Variants in TRAK1 observed in about 807,000 individuals in gnomAD.
TRAK1 encodes the protein trafficking kinesin-binding protein 1.
A neutral mutation model predicts 92.1 loss-of-function variants in TRAK1; 33 were observed. The ratio of observed to expected loss-of-function variants is 0.36; its 90% CI spans 0.27 to 0.48. The LOEUF (loss-of-function observed/expected upper bound fraction) is 0.48, where lower values mean the gene tolerates loss of function less well. Among genes scored for constraint, TRAK1 ranks in the 20% least tolerant of loss-of-function variants. TRAK1 has a pLI of 0.99. For synonymous variants in TRAK1, 521 were observed against 517.3 expected (o/e 1.01, Z -0.10); for missense variants, 1,123 against 1,257.9 (o/e 0.89, Z 1.62).
rs191020270 is a variant in TRAK1, at chr3:42,017,089, G to A, written c.-519+2972G>A. On this transcript the variant is annotated intron_variant, in intron 1 of 16. Transcript: ENST00000487159. ...AGCCTGGGCAACATGGTGAAACCCC[G>A]TCTCTACTAAAACACAAAAAAAGTA... Among the ~76,000 whole-genome samples, 525 of 152,124 alleles carry A rather than the reference G, an allele frequency of 3.5e-3. 3 individuals are homozygous for A. The highest frequency in any genetic ancestry group is 0.027 in the Middle Eastern group (8 of 294).
At chr3:42,057,145 G>A (rs1349398299) in intron 1 of TRAK1, among the ~76,000 whole-genome samples, 2 of 152,154 alleles carry the variant, frequency 1.3e-5, no homozygotes, top group African/African-American at 2.4e-5. Context: ...AGTAATTAAA[G>A]GCACTCTAAA....
At chr3:42,062,551 C>T (rs1306932748) in intron 1 of TRAK1, among the ~76,000 whole-genome samples, 2 of 152,184 alleles carry the variant, frequency 1.3e-5, no homozygotes, top group African/African-American at 2.4e-5. Context: ...GTCCTGGCAC[C>T]TCTGAGGCTT....
At chr3:42,020,750 GAAA>G (rs911971739) in intron 1 of TRAK1, among the ~76,000 whole-genome samples, 2 of 152,152 alleles carry the variant, frequency 1.3e-5, no homozygotes, top group Non-Finnish European at 2.9e-5. Context: ...ACTTCCAGAA[GAAA>G]AAAAGATAAC....
upstream of TRAK1, among the ~76,000 whole-genome samples, chr3:42,086,535 T>G (rs1215084161): frequency 1.3e-5 from 2 of 152,098 alleles, no homozygotes; most frequent in East Asian, 3.9e-4. Flanking sequence ...CAGGCTGGTC[T>G]TGAACTCCTG....
intron 2 of TRAK1, among the ~76,000 whole-genome samples, chr3:42,138,876 G>T (rs9681660): frequency 0.093 from 10,971 of 118,556 alleles, 963 homozygotes; most frequent in Middle Eastern, 0.15. Context: ...AAGCATAGGG[G>T]GTGTGTGTGT....
At chr3:42,087,535 GA>G, upstream of TRAK1, 1 of 152,690 alleles carries the variant, frequency 6.5e-6, no homozygotes, top group East Asian at 1.9e-4. Flanking sequence ...AAAAGACTCT[GA>G]GCTTTCGGAT....
rs377756857 is a variant in TRAK1, at chr3:42,116,418, A to G, written c.92-9002A>G. Among the ~76,000 whole-genome samples the G allele has an allele frequency of 1.6e-3, 251 of 152,384 alleles. 2 individuals carry two copies. The highest frequency in any genetic ancestry group is 5.6e-3 in the African/African-American group (235 of 41,600). On this transcript the variant is annotated intron_variant, in intron 1 of 15. Transcript: ENST00000327628. ...GTTCAGCTAAAGCTGTAAACTGCAT[A>G]GTCCCTTGATAGAGAGGAATTTTCT...
At chr3:42,128,717 A>G in intron 2 of TRAK1, among the ~76,000 whole-genome samples, 1 of 152,252 alleles carries the variant, frequency 6.6e-6, no homozygotes, top group East Asian at 1.9e-4. Flanking sequence ...TAGAAATCAC[A>G]GATATTTTCA....
At chr3:42,147,455 T>C (rs911845872) in intron 2 of TRAK1, among the ~76,000 whole-genome samples, 5 of 152,174 alleles carry the variant, frequency 3.3e-5, no homozygotes, top group Non-Finnish European at 7.4e-5. Flanking sequence ...GTCATTCCCT[T>C]GTCTCCTACA....
chr3:42,029,768 C>T (rs1377654165), intron 1 of TRAK1, among the ~76,000 whole-genome samples: 1 of 152,122 alleles, frequency 6.6e-6, no homozygotes, highest in Non-Finnish European at 1.5e-5. Flanking sequence ...AGGCTGGTCT[C>T]AAACTCCTGG....
At chr3:42,115,071 T>C (rs965545400) in intron 1 of TRAK1, among the ~76,000 whole-genome samples, 1 of 152,248 alleles carries the variant, frequency 6.6e-6, no homozygotes, top group African/African-American at 2.4e-5. Context: ...ATTTTATCTT[T>C]TTATTTCCTA....
intron 2 of TRAK1, among the ~76,000 whole-genome samples, chr3:42,148,988 G>T (rs1441331962): frequency 1.3e-5 from 2 of 152,100 alleles, no homozygotes; most frequent in Non-Finnish European, 2.9e-5. Context: ...TGACCCCTCT[G>T]TCTCTCCCTT....
intron 2 of TRAK1, among the ~76,000 whole-genome samples, chr3:42,172,347 CTTG>C (rs1339565260): frequency 1.3e-5 from 2 of 152,142 alleles, no homozygotes; most frequent in African/African-American, 4.8e-5. Flanking sequence ...CACTCTTGTC[CTTG>C]TTGTCCCAGT....
At chr3:42,139,966 C>G (rs1698449257) in intron 2 of TRAK1, among the ~76,000 whole-genome samples, 1 of 152,078 alleles carries the variant, frequency 6.6e-6, no homozygotes, top group African/African-American at 2.4e-5. Flanking sequence ...TGTGAGATTT[C>G]CCATACAGCC....
chr3:42,196,902 C>T (rs71315526), intron 10 of TRAK1, among the ~76,000 whole-genome samples: 417 of 151,686 alleles, frequency 2.7e-3, no homozygotes, highest in Non-Finnish European at 4.1e-3. Flanking sequence ...ATGCTGATCT[C>T]CACTTCAAAA....
chr3:42,061,249 C>G (rs1450021604), intron 1 of TRAK1, among the ~76,000 whole-genome samples: 1 of 151,782 alleles, frequency 6.6e-6, no homozygotes, highest in African/African-American at 2.4e-5. Flanking sequence ...GGGTGTGTGT[C>G]TACATCTGTG....
chr3:42,105,445 G>C (rs992710644), intron 1 of TRAK1, among the ~76,000 whole-genome samples: 1 of 152,188 alleles, frequency 6.6e-6, no homozygotes, highest in Non-Finnish European at 1.5e-5. Context: ...TGAATGAAAT[G>C]AAGCAAGAAG....
chr3:42,134,578 C>CTTT lies in TRAK1; in HGVS notation c.286+8988_286+8990dup, dbSNP rs547455969. 3.1e-3 allele frequency among the ~76,000 whole-genome samples: 239 copies of CTTT among 76,452 alleles called. 37 individuals carry two copies. The East Asian group carries it at 0.046, about 15-fold the overall frequency. The allele number at this position is 76,452 out of a possible 152,430, so 50.2% of individuals were successfully genotyped here. A position where few individuals can be genotyped will look rare whatever the true frequency, so the allele number is the denominator to read the frequency against. On this transcript the variant is annotated intron_variant, in intron 2 of 15. Transcript: ENST00000327628. ...AGGTGTTAGCCACCATGCCTGGTCT[C>CTTT]TTTTTTTTTTTTTTTTTTTTTTTTT...
At chr3:42,093,364 A>G (rs985980066) in intron 1 of TRAK1, among the ~76,000 whole-genome samples, 2 of 152,122 alleles carry the variant, frequency 1.3e-5, no homozygotes, top group African/African-American at 4.8e-5. Context: ...CCTTTTAAAT[A>G]TGCTATAAAT....
Sources: allele counts gnomAD v4.1 joint callset (sites outside exome capture counted in the v4.1 genomes callset), GRCh38; gene constraint gnomAD v4.1.1; transcripts MANE v1.5; gene names NCBI Gene and HGNC (gene_info 2026-07-23, HGNC 2026-07-21).